Variants in PRIM2 observed in about 807,000 individuals in gnomAD.
PRIM2 encodes DNA primase subunit 2.
In PRIM2, 39 loss-of-function variants were observed where a neutral mutation model predicts 67.3. That is an observed-to-expected ratio of 0.58 (90% CI 0.45 to 0.76). The LOEUF is 0.76. Among genes scored for constraint, PRIM2 ranks in the 30% least tolerant of loss-of-function variants. The probability of loss-of-function intolerance (pLI) is 0.00; values close to 1 mark genes in which losing one functional copy is unlikely to be tolerated. For missense variants in PRIM2, 398 were observed against 598.7 expected, an observed-to-expected ratio of 0.66 and a Z score of 3.50; for synonymous variants, 143 against 198.7, an observed-to-expected ratio of 0.72 and a Z score of 2.36.
chr6:57,308,797 T>C, the PRIM2 span, among the ~76,000 whole-genome samples: 1 of 152,188 alleles, frequency 6.6e-6, no homozygotes, highest in Admixed American at 6.5e-5. Flanking sequence ...TTATTTATCA[T>C]TTACATTTCC....
the PRIM2 span, among the ~76,000 whole-genome samples, chr6:57,291,542 A>C: frequency 6.6e-6 from 1 of 152,138 alleles, no homozygotes; most frequent in African/African-American, 2.4e-5. Context: ...GAGACACACA[A>C]AAAAAGAGAA....
At chr6:57,561,212 C>T in intron 10 of PRIM2, among the ~76,000 whole-genome samples, 1 of 152,140 alleles carries the variant, frequency 6.6e-6, no homozygotes, top group East Asian at 1.9e-4. Flanking sequence ...ATAAACCCAC[C>T]TGTGCTAGCA....
chr6:57,447,270 G>A (rs1362073311), intron 7 of PRIM2, among the ~76,000 whole-genome samples: 10 of 152,196 alleles, frequency 6.6e-5, no homozygotes, highest in Admixed American at 2.0e-4. Context: ...GGAGATATTG[G>A]TTCTGGATTT....
chr6:57,554,541 C>G lies in PRIM2; in HGVS notation c.1020+16916C>G, dbSNP rs1228163302. On this transcript the variant is annotated intron_variant, in intron 10 of 13. Coordinates refer to ENST00000615550, the MANE Select transcript of PRIM2 (RefSeq NM_000947.5). ...GGCCCAGCCCTGTGTTAATCCTTTC[C>G]TGAGCACCTTAGCCAGCAGTGACTA... Among the ~76,000 whole-genome samples the G allele has an allele frequency of 2.2e-4, 34 of 152,114 alleles. No homozygotes were observed. In the East Asian group the frequency reaches 5.6e-3, roughly 25 times the overall value.
rs1486306392 is a variant in PRIM2 at position 57,505,064 on chromosome 6, C to G, written c.694-2323C>G. On this transcript the variant is annotated intron_variant, in intron 7 of 13. Transcript: ENST00000615550. ...GAGAAAAATTTCAGAAGAAATGGAG[C>G]CAACAGTTCCTAAAATGAAGTTTGA... The G allele has an allele frequency of 2.1e-4, 32 of 152,074 alleles. 1 individual carries two copies. Among genetic ancestry groups the G allele is most frequent in the African/African-American group, 7.2e-4 (30 of 41,400 alleles). 9.4% of individuals were successfully genotyped at this position (152,074 alleles called of 1,614,324 possible).
chr6:57,346,464 C>T (rs942229641), intron 5 of PRIM2, among the ~76,000 whole-genome samples: 5 of 151,942 alleles, frequency 3.3e-5, no homozygotes, highest in South Asian at 2.1e-4. Context: ...GGATTACAGT[C>T]GCCCACCACC....
At chr6:57,602,134 A>C (rs1776481662) in intron 11 of PRIM2, among the ~76,000 whole-genome samples, 1 of 149,946 alleles carries the variant, frequency 6.7e-6, no homozygotes, top group African/African-American at 2.5e-5. Context: ...ATCTCGGCTC[A>C]CTGCAGTCTC....
Position 57,474,173 on chromosome 6 carries a change from C to CTTT in PRIM2, c.694-33186_694-33184dup, listed in dbSNP as rs1158188964. On this transcript the variant is annotated intron_variant, in intron 7 of 13. Transcript: ENST00000615550. ...TCTACTTTTTCTGCAATTCTGCTAT[C>CTTT]TTTTTTTTTTTTTTTTTTTTTTTTT... Among the ~76,000 whole-genome samples, 245 of 63,976 alleles carry CTTT rather than the reference C, an allele frequency of 3.8e-3. 53 individuals are homozygous for CTTT. Among genetic ancestry groups the CTTT allele is most frequent in the African/African-American group, 8.6e-3 (131 of 15,210 alleles). The allele number at this position is 63,976 out of a possible 152,430, so 42.0% of individuals were successfully genotyped here.
chr6:57,446,932 C>G (rs903861406), intron 7 of PRIM2, among the ~76,000 whole-genome samples: 1 of 152,168 alleles, frequency 6.6e-6, no homozygotes, highest in Non-Finnish European at 1.5e-5. Context: ...TACATTTACC[C>G]TTGTGGTACC....
At chr6:57,627,279 C>CAAAAAAAAAA (rs1158722297) in intron 12 of PRIM2, among the ~76,000 whole-genome samples, 336 of 24,534 alleles carry the variant, frequency 0.014, 47 homozygotes, top group East Asian at 0.061. Flanking sequence ...GACTCTGTCT[C>CAAAAAAAAAA]AAAAAAAAAA....
chr6:57,290,127 G>GAAA, the PRIM2 span, among the ~76,000 whole-genome samples: 77 of 118,070 alleles, frequency 6.5e-4, no homozygotes, highest in African/African-American at 2.2e-3. Context: ...CAAATAGAAA[G>GAAA]AAAAAAAAAA....
intron 7 of PRIM2, among the ~76,000 whole-genome samples, chr6:57,492,016 G>A (rs1773903393): frequency 6.6e-6 from 1 of 152,074 alleles, no homozygotes; most frequent in Non-Finnish European, 1.5e-5. Context: ...TCTACTGCGG[G>A]CATGTTTAGG....
rs1774523582 is a variant in PRIM2, at chr6:57,518,084, C to T, written c.761+10630C>T. Among the ~76,000 whole-genome samples the T allele has an allele frequency of 2.0e-5, 3 of 152,120 alleles. No individual in the cohort carries two copies. In the South Asian group the frequency reaches 6.2e-4, roughly 32 times the overall value. The stretch of plus-strand genomic sequence containing the variant: ...AGGAAAGGCAGACTACCAAGACTCA[C>T]CAAAAGTTTAATGCACTCTCAATTG... On this transcript the variant is annotated intron_variant, in intron 8 of 13. Transcript: ENST00000615550.
intron 7 of PRIM2, among the ~76,000 whole-genome samples, chr6:57,483,812 C>T (rs1261187334): frequency 1.3e-5 from 2 of 152,180 alleles, no homozygotes; most frequent in East Asian, 3.9e-4. Flanking sequence ...TTTCAAATAA[C>T]AAAAGTACCT....
intron 5 of PRIM2, among the ~76,000 whole-genome samples, chr6:57,339,294 A>G (rs1768385239): frequency 6.6e-6 from 1 of 152,194 alleles, no homozygotes; most frequent in African/African-American, 2.4e-5. Flanking sequence ...GGTAATTTAC[A>G]GATTCAATGC....
chr6:57,224,408 G>C, the PRIM2 span, among the ~76,000 whole-genome samples: 1 of 152,180 alleles, frequency 6.6e-6, no homozygotes, highest in Non-Finnish European at 1.5e-5. Flanking sequence ...GAGACAGTTG[G>C]GGGGTGGGAA....
chr6:57,504,368 G>A (rs1465552630), intron 7 of PRIM2, among the ~76,000 whole-genome samples: 3 of 152,096 alleles, frequency 2.0e-5, no homozygotes, highest in Non-Finnish European at 2.9e-5. Flanking sequence ...ATGTCAAAGG[G>A]CAAAATTTAC....
the PRIM2 span, among the ~76,000 whole-genome samples, chr6:57,284,083 TA>T: frequency 2.0e-5 from 3 of 152,266 alleles, no homozygotes; most frequent in East Asian, 5.8e-4. Flanking sequence ...TATCCTGGCT[TA>T]AACAGAACCA....
At chr6:57,522,185 AC>A (rs2127464632) in intron 8 of PRIM2, among the ~76,000 whole-genome samples, 1 of 152,298 alleles carries the variant, frequency 6.6e-6, no homozygotes, top group South Asian at 2.1e-4. Flanking sequence ...TGTTGTAAAA[AC>A]AAGCACATTT....
Sources: allele counts gnomAD v4.1 joint callset (sites outside exome capture counted in the v4.1 genomes callset), GRCh38; gene constraint gnomAD v4.1.1; transcripts MANE v1.5; gene names NCBI Gene and HGNC (gene_info 2026-07-23, HGNC 2026-07-21).